Variants in LPIN1 observed in about 807,000 individuals in gnomAD.
LPIN1 encodes phosphatidate phosphatase LPIN1.
LPIN1 carries 71 observed loss-of-function variants against 107.5 expected under a neutral mutation model. The ratio of observed to expected loss-of-function variants is 0.66; its 90% CI spans 0.55 to 0.80. The LOEUF is 0.80. Ranked by LOEUF, LPIN1 falls within the 30% of genes least tolerant of loss-of-function variation. The pLI is 0.00. For missense variants in LPIN1, 1,043 were observed against 1,160.6 expected (o/e 0.90, Z 1.47); for synonymous variants, 445 against 452.6 (o/e 0.98, Z 0.21).
chr2:11,819,069 C>T (rs574047786), intron 18 of LPIN1: 4 of 209,506 alleles, frequency 1.9e-5, no homozygotes, highest in East Asian at 2.6e-4. Flanking sequence ...CACACACACA[C>T]GTGTATATAT....
intron 1 of LPIN1, among the ~76,000 whole-genome samples, chr2:11,686,993 CTTTTTTTTTTTTT>C (rs141927239): frequency 1.2e-5 from 1 of 85,088 alleles, no homozygotes; most frequent in Non-Finnish European, 2.1e-5. Context: ...GCTTTTGATC[CTTTTTTTTTTTTT>C]TTTTTTTTTT....
At chr2:11,714,998 G>A (rs10929768) in intron 2 of LPIN1, among the ~76,000 whole-genome samples, 69,797 of 152,098 alleles carry the variant, frequency 0.46, 16,566 homozygotes, top group African/African-American at 0.58. Flanking sequence ...AGGAGCAGAA[G>A]TTTTATTTCC....
At chr2:11,731,702 C>T (rs1665250264) in intron 1 of LPIN1, among the ~76,000 whole-genome samples, 1 of 152,202 alleles carries the variant, frequency 6.6e-6, no homozygotes, top group African/African-American at 2.4e-5. Flanking sequence ...TAAAAGCATT[C>T]CTATTTCTCC....
chr2:11,696,611 G>A (rs1213931417), intron 1 of LPIN1, among the ~76,000 whole-genome samples: 3 of 152,176 alleles, frequency 2.0e-5, no homozygotes, highest in Non-Finnish European at 4.4e-5. Context: ...CAAGGTGTCT[G>A]TAGGGCAGCA....
chr2:11,788,597 C>T (rs1371839349), intron 12 of LPIN1, 141 bp downstream of exon 12: 4 of 726,238 alleles, frequency 5.5e-6, no homozygotes, highest in Non-Finnish European at 9.7e-6. Context: ...GCATACAGGC[C>T]AGGAGTTTCT....
At chr2:11,796,154 T>C (rs1676674291) in intron 14 of LPIN1, among the ~76,000 whole-genome samples, 1 of 152,236 alleles carries the variant, frequency 6.6e-6, no homozygotes, top group Non-Finnish European at 1.5e-5. Flanking sequence ...ATTCCTGTGC[T>C]TAAGAAATCC....
At chr2:11,732,306 G>A (rs892911084) in intron 1 of LPIN1, among the ~76,000 whole-genome samples, 4 of 152,190 alleles carry the variant, frequency 2.6e-5, no homozygotes, top group African/African-American at 7.2e-5. Context: ...TCAGTTAGAA[G>A]TTAGTGAAAT....
At chr2:11,815,067 T>C in intron 17 of LPIN1, 21 bp from the exon 18 acceptor site, 2 of 1,612,948 alleles carry the variant, frequency 1.2e-6, no homozygotes, top group Non-Finnish European at 1.7e-6. Context: ...CCATGAAATG[T>C]GAATGTTTTA....
chr2:11,691,528 C>T (rs969722413), intron 1 of LPIN1, among the ~76,000 whole-genome samples: 2 of 152,180 alleles, frequency 1.3e-5, no homozygotes, highest in East Asian at 1.9e-4. Flanking sequence ...GAGACTGTGC[C>T]GGGCCTGTGG....
chr2:11,706,053 G>A (rs974550789), intron 1 of LPIN1, among the ~76,000 whole-genome samples: 4 of 152,108 alleles, frequency 2.6e-5, no homozygotes, highest in African/African-American at 4.8e-5. Flanking sequence ...TTTTCCTGTC[G>A]CCATCCACTT....
At chr2:11,778,643 C>G (rs539023086) in intron 6 of LPIN1, among the ~76,000 whole-genome samples, 2 of 152,286 alleles carry the variant, frequency 1.3e-5, no homozygotes, top group African/African-American at 4.8e-5. Flanking sequence ...AAAACCCTGC[C>G]GCCTTCCTCT....
In LPIN1 at chr2:11,724,750, G is replaced by A. The variant is rs573065263; in HGVS notation, c.-72+211G>A. On this transcript the variant is annotated intron_variant, in intron 1 of 21. Coordinates refer to the LPIN1 transcript ENST00000396097. ...CTTCTCAGGCCCTGGCTTGCTGAAG[G>A]GGGCAGTGACTGGAATTTGGGGAGA... 6.4e-4 allele frequency: 345 copies of A among 535,270 alleles called. 1 individual carries two copies. Among genetic ancestry groups the A allele is most frequent in the Non-Finnish European group, 7.5e-4 (315 of 418,756 alleles). 33.2% of individuals were successfully genotyped at this position (535,270 alleles called of 1,614,324 possible). A position where few individuals can be genotyped will look rare whatever the true frequency, so the allele number is the denominator to read the frequency against.
At chr2:11,780,244 A>G (rs1266455941) in intron 7 of LPIN1, among the ~76,000 whole-genome samples, 1 of 152,140 alleles carries the variant, frequency 6.6e-6, no homozygotes, top group East Asian at 1.9e-4. Context: ...CTTACACACA[A>G]TCTTGCTGTC....
chr2:11,688,661 A>T (rs537457028), intron 1 of LPIN1, among the ~76,000 whole-genome samples: 2 of 152,276 alleles, frequency 1.3e-5, no homozygotes, highest in Non-Finnish European at 2.9e-5. Context: ...GCCCCTCGCC[A>T]CAGGGGAGTG....
intron 1 of LPIN1, among the ~76,000 whole-genome samples, chr2:11,710,469 A>ACAGT (rs1663351159): frequency 6.6e-6 from 1 of 152,022 alleles, no homozygotes; most frequent in African/African-American, 2.4e-5. Flanking sequence ...AAGGACCTGA[A>ACAGT]CAGTCATACA....
intron 19 of LPIN1, 95 bp downstream of exon 19, chr2:11,819,693 T>G: frequency 2.2e-6 from 2 of 914,316 alleles, no homozygotes; most frequent in South Asian, 2.6e-5. Flanking sequence ...ATATGTAGAG[T>G]CAGATTCTCA....
intron 17 of LPIN1, 52 bp downstream of exon 17, chr2:11,805,208 C>T (rs780773517): frequency 1.3e-5 from 17 of 1,312,886 alleles, no homozygotes; most frequent in Admixed American, 3.4e-5. Flanking sequence ...GTGTGTGCAC[C>T]GCACTCTGCA....
Position 11,786,568 on chromosome 2 carries a change from C to T in LPIN1, c.1550-506C>T, listed in dbSNP as rs73915567. 5.2e-3 allele frequency among the ~76,000 whole-genome samples: 795 copies of T among 152,208 alleles called. 6 individuals are homozygous for T. Among genetic ancestry groups the T allele is most frequent in the African/African-American group, 0.018 (740 of 41,524 alleles). On this transcript the variant is annotated intron_variant, in intron 10 of 20. Coordinates refer to ENST00000674199, the MANE Select transcript of LPIN1 (RefSeq NM_001349206.2). The surrounding 1 kb of genome is among the most constrained non-coding windows in gnomAD (Gnocchi z 4.1). ...CTTCTGATTGTGGTGGAGGCAGCCC[C>T]ATTTTTGAAAGGGCCCTGTGCTTTC...
At chr2:11,768,597 A>G (rs898308336) in intron 3 of LPIN1, among the ~76,000 whole-genome samples, 2 of 152,054 alleles carry the variant, frequency 1.3e-5, no homozygotes, top group Non-Finnish European at 2.9e-5. Context: ...ATAGTATTCC[A>G]TTGTATCTAT....
Sources: allele counts gnomAD v4.1 joint callset (sites outside exome capture counted in the v4.1 genomes callset), GRCh38; gene constraint gnomAD v4.1.1; non-coding constraint Gnocchi (gnomAD v3.1); transcripts MANE v1.5; gene names NCBI Gene and HGNC (gene_info 2026-07-23, HGNC 2026-07-21).